The following EXOC6B variants were observed in gnomAD, a reference collection of about 807,000 sequenced individuals.
EXOC6B encodes the protein SEC15 homolog B.
Under a neutral mutation model 113.5 loss-of-function variants are expected in EXOC6B, and 54 were observed. That is an observed-to-expected ratio of 0.48 (90% CI 0.38 to 0.60). EXOC6B has a LOEUF of 0.60. Among genes scored for constraint, EXOC6B ranks in the 20% least tolerant of loss-of-function variants. EXOC6B has a pLI of 0.00. For synonymous variants in EXOC6B, 357 were observed against 339.0 expected (o/e 1.05, Z -0.58); for missense variants, 797 against 977.5 (o/e 0.82, Z 2.46).
At chr2:72,316,508 A>C (rs181113460) in intron 20 of EXOC6B, among the ~76,000 whole-genome samples, 7 of 152,350 alleles carry the variant, frequency 4.6e-5, no homozygotes. Context: ...AAGTAAACTG[A>C]TAATGAAGAG....
At chr2:72,741,217 T>G in intron 2 of EXOC6B, 87 bp downstream of exon 2, 1 of 1,245,968 alleles carries the variant, frequency 8.0e-7, no homozygotes, top group Non-Finnish European at 1.1e-6. Flanking sequence ...TACAAATATG[T>G]GTTCTATGTT....
intron 20 of EXOC6B, among the ~76,000 whole-genome samples, chr2:72,295,963 C>G (rs950255408): frequency 1.2e-4 from 19 of 152,016 alleles, no homozygotes; most frequent in African/African-American, 4.6e-4. Context: ...AGTACTACTT[C>G]ATAATTTCTC....
At chr2:72,249,261 T>G (rs1244616265) in intron 20 of EXOC6B, among the ~76,000 whole-genome samples, 2 of 152,302 alleles carry the variant, frequency 1.3e-5, no homozygotes, top group Non-Finnish European at 2.9e-5. Context: ...AATGAGACCT[T>G]GTCCCTTTTA....
chr2:72,734,616 T>C (rs1680838453), intron 2 of EXOC6B, among the ~76,000 whole-genome samples: 1 of 152,180 alleles, frequency 6.6e-6, no homozygotes. Context: ...TGTGTTCCGA[T>C]AAAACTTTAT....
intron 6 of EXOC6B, among the ~76,000 whole-genome samples, chr2:72,633,520 G>C (rs1672624138): frequency 6.6e-6 from 1 of 152,084 alleles, no homozygotes; most frequent in African/African-American, 2.4e-5. Context: ...AAACAAAATG[G>C]ACTCTGGTCC....
At chr2:72,545,646 A>T (rs1702855966) in intron 8 of EXOC6B, among the ~76,000 whole-genome samples, 1 of 152,194 alleles carries the variant, frequency 6.6e-6, no homozygotes, top group East Asian at 1.9e-4. Context: ...AATGTAGTCA[A>T]GTTTATGAAG....
At chr2:72,179,615 C>T (rs1329384434) in intron 21 of EXOC6B, among the ~76,000 whole-genome samples, 154 bp from the exon 22 acceptor site, 1 of 152,126 alleles carries the variant, frequency 6.6e-6, no homozygotes, top group East Asian at 1.9e-4. Flanking sequence ...CACTCACCTA[C>T]TCATCAGGAA....
chr2:72,510,307 T>C (rs1700826178), intron 11 of EXOC6B, among the ~76,000 whole-genome samples: 1 of 152,208 alleles, frequency 6.6e-6, no homozygotes, highest in East Asian at 1.9e-4. Context: ...GGAGAGCAAA[T>C]GAGCAATACC....
chr2:72,365,262 A>C (rs1437361669), intron 19 of EXOC6B, among the ~76,000 whole-genome samples: 8 of 152,114 alleles, frequency 5.3e-5, no homozygotes. Flanking sequence ...AACCCCTAAA[A>C]ATCTTGAAAA....
chr2:72,420,436 G>A (rs1221009358), intron 18 of EXOC6B, among the ~76,000 whole-genome samples: 1 of 152,064 alleles, frequency 6.6e-6, no homozygotes, highest in East Asian at 1.9e-4. Context: ...CCCTCCCTGT[G>A]TCCATGTGTT....
At chr2:72,257,171 G>A (rs1216536951) in intron 20 of EXOC6B, among the ~76,000 whole-genome samples, 1 of 152,082 alleles carries the variant, frequency 6.6e-6, no homozygotes, top group African/African-American at 2.4e-5. Flanking sequence ...AAGTGTTTGA[G>A]TACAAACCAG....
intron 12 of EXOC6B, 82 bp downstream of exon 12, chr2:72,499,819 C>T: frequency 1.0e-6 from 1 of 955,476 alleles, no homozygotes; most frequent in Non-Finnish European, 1.6e-6. Flanking sequence ...CAGGCAAAAG[C>T]CACCAGACCC....
chr2:72,543,643 T>C (rs113982213), intron 8 of EXOC6B, among the ~76,000 whole-genome samples: 5 of 152,318 alleles, frequency 3.3e-5, no homozygotes, highest in Middle Eastern at 3.4e-3. Context: ...TATGAAATGT[T>C]AGATCACAGC....
rs140764130 is a variant in EXOC6B at position 72,383,727 on chromosome 2, C to A, written c.1981-3857G>T. 5.5e-3 allele frequency among the ~76,000 whole-genome samples: 839 copies of A among 152,022 alleles called. 4 individuals are homozygous for A. Among genetic ancestry groups the A allele is most frequent in the South Asian group, 0.012 (59 of 4,806 alleles). On this transcript the variant is annotated intron_variant, in intron 18 of 21. Coordinates refer to ENST00000272427, the MANE Select transcript of EXOC6B (RefSeq NM_015189.3). ...GTTCACTGCAGCACTATTCACAATA[C>A]CAAAGTCATGGAATAAACCAAAATG... is the stretch of plus-strand genomic sequence containing the variant.
At chr2:72,355,320 C>T (rs971975971) in intron 19 of EXOC6B, among the ~76,000 whole-genome samples, 3 of 151,876 alleles carry the variant, frequency 2.0e-5, no homozygotes, top group Non-Finnish European at 4.4e-5. Flanking sequence ...AACACTAATA[C>T]AGAATGAAAC....
intron 19 of EXOC6B, among the ~76,000 whole-genome samples, chr2:72,355,074 G>A (rs992138166): frequency 2.0e-5 from 3 of 152,124 alleles, no homozygotes; most frequent in Admixed American, 6.5e-5. Context: ...GACTATGGTC[G>A]CTATTTTCAT....
At chr2:72,688,151 T>G (rs17562087) in intron 6 of EXOC6B, among the ~76,000 whole-genome samples, 2,989 of 152,272 alleles carry the variant, frequency 0.02, 49 homozygotes, top group Non-Finnish European at 0.029. Flanking sequence ...TCCTATGTCT[T>G]GGATCCACTA....
At chr2:72,270,325 G>A (rs1041304350) in intron 20 of EXOC6B, among the ~76,000 whole-genome samples, 20 of 152,118 alleles carry the variant, frequency 1.3e-4, no homozygotes, top group African/African-American at 4.6e-4. Context: ...ATCCTGAGCA[G>A]GTGTCAGAAG....
chr2:72,461,654 C>A (rs1697686668), intron 18 of EXOC6B: 2 of 151,858 alleles, frequency 1.3e-5, no homozygotes, highest in African/African-American at 2.4e-5. Context: ...ATAGTTACAT[C>A]TGAATATTAT....
Sources: allele counts gnomAD v4.1 joint callset (sites outside exome capture counted in the v4.1 genomes callset), GRCh38; gene constraint gnomAD v4.1.1; transcripts MANE v1.5; gene names NCBI Gene and HGNC (gene_info 2026-07-23, HGNC 2026-07-21).